HS3ST2: variants seen among roughly 807,000 people sequenced by gnomAD.
HS3ST2 encodes the protein heparan sulfate-glucosamine 3-sulfotransferase 2, also known as heparan sulfate glucosamine 3-O-sulfotransferase 2.
In HS3ST2, 17 loss-of-function variants were observed where a neutral mutation model predicts 26.3. That is an observed-to-expected ratio of 0.65 (90% CI 0.44 to 0.97). The LOEUF is 0.97. Ranked by LOEUF, HS3ST2 falls within the 50% of genes least tolerant of loss-of-function variation. The pLI is 0.00. For missense variants in HS3ST2, 402 were observed against 501.2 expected, an observed-to-expected ratio of 0.80 and a Z score of 1.89; for synonymous variants, 237 against 219.2, an observed-to-expected ratio of 1.08 and a Z score of -0.72.
chr16:22,844,590 G>A (rs1265904763), intron 1 of HS3ST2, among the ~76,000 whole-genome samples: 5 of 152,192 alleles, frequency 3.3e-5, no homozygotes, highest in Middle Eastern at 3.4e-3. Flanking sequence ...CCTGGTGGGA[G>A]GTGATTGGAT....
At chr16:22,905,410 G>GT (rs1183157500) in intron 1 of HS3ST2, among the ~76,000 whole-genome samples, 1 of 151,082 alleles carries the variant, frequency 6.6e-6, no homozygotes, top group East Asian at 1.9e-4. Context: ...ATACTTGGGT[G>GT]TTTTTTTGTG....
At chr16:22,882,427 C>T (rs748839641) in intron 1 of HS3ST2, among the ~76,000 whole-genome samples, 1 of 152,074 alleles carries the variant, frequency 6.6e-6, no homozygotes, top group Non-Finnish European at 1.5e-5. Flanking sequence ...AGGGAGTGAA[C>T]TTAGCTGCAT....
intron 1 of HS3ST2, among the ~76,000 whole-genome samples, chr16:22,823,342 C>A (rs1362071221): frequency 6.6e-6 from 1 of 152,062 alleles, no homozygotes; most frequent in Non-Finnish European, 1.5e-5. Flanking sequence ...TTGATGTAAT[C>A]AGAAGGAATG....
chr16:22,887,185 C>A (rs1902072438), intron 1 of HS3ST2, among the ~76,000 whole-genome samples: 1 of 152,262 alleles, frequency 6.6e-6, no homozygotes, highest in Admixed American at 6.5e-5. Flanking sequence ...CACTGTAAAT[C>A]TTTGGCCCTG....
chr16:22,915,106 G>A lies in HS3ST2; in HGVS notation c.648G>A (p.Thr216=), dbSNP rs771188795. The part of the protein sequence containing the change: ...NPVTRAISDY[T]QTLSKKPDIP... The stretch of plus-strand genomic sequence containing the variant: ...TGACCCGTGCCATCTCTGATTACAC[G>A]CAGACACTCTCCAAGAAGCCCGACA... Residue 216 remains threonine, a synonymous_variant, in exon 2 of 2, where the codon ACG becomes ACA. Transcript: ENST00000261374. 6.8e-6 allele frequency: 11 copies of A among 1,613,812 alleles called. No individual in the cohort carries two copies. The Admixed American group carries it at 8.3e-5, about 12-fold the overall frequency.
At position 22,814,952 on chromosome 16, in the gene HS3ST2, G is replaced by T. The variant is rs1457795523; in HGVS notation, c.342G>T (p.Leu114Phe). 1 of 1,611,746 alleles carries T rather than the reference G, an allele frequency of 6.2e-7. No individual in the cohort carries two copies. Among genetic ancestry groups the T allele is most frequent in the Non-Finnish European group, 8.5e-7 (1 of 1,179,468 alleles). ...CACCCAAGCTGGGTACCAAGCGGTT[G>T]CCCCAAGCCCTCATTGTGGGCGTGA... The part of the protein sequence containing the change: ...SGSPKLGTKR[L>F]PQALIVGVKK... Residue 114 changes from leucine (L) to phenylalanine (F), a missense_variant, in exon 1 of 2, where the codon TTG (leucine) becomes TTT (phenylalanine). Leu to Phe is a conservative substitution (Grantham distance 22). Transcript: ENST00000261374.
chr16:22,914,326 A>T (rs1902461473), intron 1 of HS3ST2, among the ~76,000 whole-genome samples: 1 of 152,162 alleles, frequency 6.6e-6, no homozygotes, highest in African/African-American at 2.4e-5. Context: ...ATTAATGCAT[A>T]CAGATCTACC....
At chr16:22,879,869 G>A (rs1901964443) in intron 1 of HS3ST2, among the ~76,000 whole-genome samples, 1 of 152,162 alleles carries the variant, frequency 6.6e-6, no homozygotes, top group African/African-American at 2.4e-5. Context: ...AAAGCATGGG[G>A]ATTTTTCATG....
At chr16:22,824,436 A>T (rs1394881162) in intron 1 of HS3ST2, among the ~76,000 whole-genome samples, 2 of 152,094 alleles carry the variant, frequency 1.3e-5, no homozygotes, top group Non-Finnish European at 2.9e-5. Context: ...AGTCCCAGCT[A>T]CTCAGGAGGC....
intron 1 of HS3ST2, among the ~76,000 whole-genome samples, chr16:22,841,706 T>A (rs1901359628): frequency 6.6e-6 from 1 of 152,258 alleles, no homozygotes; most frequent in Non-Finnish European, 1.5e-5. Flanking sequence ...ATTGTAGATT[T>A]ATCCAGAAGT....
At chr16:22,906,328 G>A (rs969564260) in intron 1 of HS3ST2, among the ~76,000 whole-genome samples, 3 of 151,182 alleles carry the variant, frequency 2.0e-5, no homozygotes, top group African/African-American at 7.3e-5. Flanking sequence ...CCGAGATTGC[G>A]CCACTGCACT....
At chr16:22,910,684 C>T (rs2141748921) in intron 1 of HS3ST2, among the ~76,000 whole-genome samples, 1 of 152,258 alleles carries the variant, frequency 6.6e-6, no homozygotes, top group South Asian at 2.1e-4. Context: ...TTTCAACTTT[C>T]AACCAAAAAG....
intron 1 of HS3ST2, among the ~76,000 whole-genome samples, chr16:22,832,042 G>A (rs1249721753): frequency 1.3e-5 from 2 of 151,966 alleles, no homozygotes; most frequent in African/African-American, 2.4e-5. Context: ...GAGTGCAGTG[G>A]CGTGATCTCA....
At chr16:22,819,418 A>G (rs1900955776) in intron 1 of HS3ST2, among the ~76,000 whole-genome samples, 1 of 152,156 alleles carries the variant, frequency 6.6e-6, no homozygotes. Flanking sequence ...TAGACTCTTC[A>G]GGGTCATCTT....
chr16:22,837,303 G>A (rs967097333), intron 1 of HS3ST2, among the ~76,000 whole-genome samples: 1 of 151,684 alleles, frequency 6.6e-6, no homozygotes, highest in Non-Finnish European at 1.5e-5. Flanking sequence ...TATGAAAAAT[G>A]AGGAATTAAC....
chr16:22,896,864 C>T (rs963300289), intron 1 of HS3ST2, among the ~76,000 whole-genome samples: 4 of 152,042 alleles, frequency 2.6e-5, no homozygotes, highest in Non-Finnish European at 4.4e-5. Flanking sequence ...TGGAGTGCAA[C>T]GGCGCAATCT....
At chr16:22,903,834 C>T (rs1341207079) in intron 1 of HS3ST2, among the ~76,000 whole-genome samples, 2 of 152,126 alleles carry the variant, frequency 1.3e-5, no homozygotes, top group Non-Finnish European at 2.9e-5. Context: ...CCGTGGGTCA[C>T]AATAGAAGAG....
At chr16:22,841,834 C>G (rs1357427583) in intron 1 of HS3ST2, among the ~76,000 whole-genome samples, 5 of 151,890 alleles carry the variant, frequency 3.3e-5, no homozygotes, top group Admixed American at 3.3e-4. Context: ...ATGAAAATGT[C>G]TCTGTTTTGC....
chr16:22,904,571 G>A (rs1902324112), intron 1 of HS3ST2, among the ~76,000 whole-genome samples: 1 of 152,192 alleles, frequency 6.6e-6, no homozygotes, highest in African/African-American at 2.4e-5. Context: ...TTATGGTGGA[G>A]GTGACGATGA....
Sources: allele counts gnomAD v4.1 joint callset (sites outside exome capture counted in the v4.1 genomes callset), GRCh38; gene constraint gnomAD v4.1.1; transcripts MANE v1.5; gene names NCBI Gene and HGNC (gene_info 2026-07-23, HGNC 2026-07-21).